Variants in DIP2B observed in about 807,000 individuals in gnomAD.
DIP2B encodes the protein disco-interacting protein 2 homolog B.
In DIP2B, 76 loss-of-function variants were observed where a neutral mutation model predicts 198.0. The observed-to-expected ratio is 0.38, with a 90% CI of 0.32 to 0.46. The LOEUF is 0.46. DIP2B is among the 20% of genes least tolerant of loss of function. DIP2B has a pLI of 0.99. For synonymous variants in DIP2B, 701 were observed against 739.1 expected (o/e 0.95, Z 0.84); for missense variants, 1,559 against 1,978.4 (o/e 0.79, Z 4.02).
intron 4 of DIP2B, among the ~76,000 whole-genome samples, chr12:50,663,724 G>T (rs1379720162): frequency 6.6e-6 from 1 of 151,558 alleles, no homozygotes; most frequent in South Asian, 2.1e-4. Context: ...TAAAAAGTTA[G>T]CTGACTGTGG....
chr12:50,671,039 A>C (rs1212458922), intron 4 of DIP2B, 147 bp from the exon 5 acceptor site: 1 of 749,306 alleles, frequency 1.3e-6, no homozygotes, highest in African/African-American at 1.8e-5. Context: ...TTTCCTTGAG[A>C]TTCTTGAGAA....
Position 50,731,386 on chromosome 12 carries a change from A to G in DIP2B, c.3659A>G (p.Gln1220Arg). Reference protein sequence around the residue: ...WCLCSVYSGHQSVLIPPMELE... With the variant: ...WCLCSVYSGHRSVLIPPMELE... ...CACTGCAGTGTCTATTCAGGCCACC[A>G]GTCTGTCTTAATTCCTCCTATGGAG... is the stretch of plus-strand genomic sequence containing the variant. The change falls in exon 31 of 38, where the codon CAG becomes CGG. Residue 1220 changes from glutamine to arginine, a missense_variant. Transcript: ENST00000301180. 1.9e-6 allele frequency: 3 copies of G among 1,614,010 alleles called. No homozygotes were observed. Among genetic ancestry groups the G allele is most frequent in the Non-Finnish European group, 2.5e-6 (3 of 1,179,906 alleles).
Position 50,643,405 on chromosome 12 carries a change from CTGTGTGTGTG to C in DIP2B, c.301+2591_301+2600del, listed in dbSNP as rs57483938. Among the ~76,000 whole-genome samples the C allele has an allele frequency of 6.7e-3, 878 of 131,168 alleles. 6 individuals are homozygous for C. The highest frequency in any genetic ancestry group is 0.02 in the South Asian group (76 of 3,768). 86.1% of individuals were successfully genotyped at this position (131,168 alleles called of 152,430 possible). ...TATGTTAATCTCACTGGGAGTTTTT[CTGTGTGTGTG>C]TGTGTGTGTGTGTGTGTGTGTGTGT... On this transcript the variant is annotated intron_variant, in intron 3 of 37. Coordinates refer to ENST00000301180, the MANE Select transcript of DIP2B (RefSeq NM_173602.3).
chr12:50,683,724 A>T (rs2139538650), intron 10 of DIP2B, among the ~76,000 whole-genome samples: 3 of 152,308 alleles, frequency 2.0e-5, no homozygotes, highest in Admixed American at 2.0e-4. Flanking sequence ...TGGAGCTTGC[A>T]GTTAGTTGAG....
chr12:50,696,879 A>G (rs1939321652), intron 16 of DIP2B, among the ~76,000 whole-genome samples, 182 bp from the exon 17 acceptor site: 1 of 152,202 alleles, frequency 6.6e-6, no homozygotes, highest in Non-Finnish European at 1.5e-5. Flanking sequence ...GATGAGCATT[A>G]ATTTGTCCTT....
intron 4 of DIP2B, among the ~76,000 whole-genome samples, chr12:50,666,143 A>C (rs969175910): frequency 6.6e-6 from 1 of 152,208 alleles, no homozygotes; most frequent in Non-Finnish European, 1.5e-5. Context: ...AGTGTTCTTT[A>C]AGCCAAAGTA....
At chr12:50,671,055 A>T in intron 4 of DIP2B, 131 bp from the exon 5 acceptor site, 1 of 835,228 alleles carries the variant, frequency 1.2e-6, no homozygotes, top group Non-Finnish European at 1.8e-6. Context: ...GAGAAACTTT[A>T]CATATTAATC....
intron 1 of DIP2B, among the ~76,000 whole-genome samples, chr12:50,541,198 GAC>G (rs1958322219): frequency 6.6e-6 from 1 of 152,092 alleles, no homozygotes; most frequent in Non-Finnish European, 1.5e-5. Context: ...TAGAATCATT[GAC>G]AAGGCCATAT....
intron 33 of DIP2B, among the ~76,000 whole-genome samples, 199 bp from the exon 34 acceptor site, chr12:50,734,864 TGTTGGTAAAC>T (rs1940108091): frequency 6.6e-6 from 1 of 152,062 alleles, no homozygotes; most frequent in Non-Finnish European, 1.5e-5. Flanking sequence ...AGGCCAGAGG[TGTTGGTAAAC>T]ACCGCAATGC....
intron 13 of DIP2B, among the ~76,000 whole-genome samples, chr12:50,691,612 A>C (rs962291262): frequency 1.3e-5 from 2 of 152,184 alleles, no homozygotes; most frequent in Non-Finnish European, 2.9e-5. Context: ...TGCAATATTA[A>C]TTTTTTTAGT....
chr12:50,687,307 TC>T (rs1285547642), intron 12 of DIP2B, among the ~76,000 whole-genome samples: 2 of 152,096 alleles, frequency 1.3e-5, no homozygotes, highest in Non-Finnish European at 2.9e-5. Context: ...TAAAAGAATT[TC>T]CGTAGCTGAG....
chr12:50,721,222 G>C (rs1939830283), intron 25 of DIP2B, 51 bp from the exon 26 acceptor site: 2 of 1,597,378 alleles, frequency 1.3e-6, no homozygotes, highest in Non-Finnish European at 1.7e-6. Context: ...GCTTATTACT[G>C]TTTATTTCCT....
chr12:50,653,717 A>G (rs1258281554), intron 3 of DIP2B, among the ~76,000 whole-genome samples: 3 of 151,400 alleles, frequency 2.0e-5, no homozygotes, highest in Non-Finnish European at 4.4e-5. Flanking sequence ...TATTTTAGTT[A>G]TTTGAATCTT....
intron 4 of DIP2B, among the ~76,000 whole-genome samples, chr12:50,663,555 C>CAAATAAGTAAATAAAT (rs1555191042): frequency 1.4e-5 from 2 of 141,808 alleles, no homozygotes; most frequent in African/African-American, 5.3e-5. Flanking sequence ...GACTCCGTCT[C>CAAATAAGTAAATAAAT]AAATAAATAA....
intron 22 of DIP2B, among the ~76,000 whole-genome samples, chr12:50,711,125 C>G (rs961170396): frequency 6.6e-6 from 1 of 152,176 alleles, no homozygotes; most frequent in African/African-American, 2.4e-5. Flanking sequence ...ATTTACTAAT[C>G]CAAACTCTTG....
At chr12:50,545,089 C>G (rs1958364371) in intron 1 of DIP2B, among the ~76,000 whole-genome samples, 1 of 152,030 alleles carries the variant, frequency 6.6e-6, no homozygotes, top group Non-Finnish European at 1.5e-5. Flanking sequence ...TGGTTTGTTT[C>G]CAGTTTTGGC....
chr12:50,674,869 A>G (rs1330674593), intron 6 of DIP2B, among the ~76,000 whole-genome samples: 1 of 152,222 alleles, frequency 6.6e-6, no homozygotes, highest in Non-Finnish European at 1.5e-5. Context: ...TGGAAAAAGA[A>G]AAGAATAACA....
rs1940365967 is a variant in DIP2B, at chr12:50,748,154, CT to C, written c.*3316del. 6.6e-6 allele frequency: 1 copy of C among 152,654 alleles called. No individual in the cohort carries two copies. The highest frequency in any genetic ancestry group is 2.4e-5 in the African/African-American group (1 of 41,458). 9.5% of individuals were successfully genotyped at this position (152,654 alleles called of 1,614,324 possible). ...AGGTCTCTGCCCCAGGCATGGTGCT[CT>C]ATATCTTGGCCAAATAAATTACTTT... On this transcript the variant is annotated 3_prime_UTR_variant, in exon 38 of 38. Coordinates refer to ENST00000301180, the MANE Select transcript of DIP2B (RefSeq NM_173602.3).
chr12:50,680,589 A>C, intron 8 of DIP2B, 83 bp from the exon 9 acceptor site: 1 of 1,303,318 alleles, frequency 7.7e-7, no homozygotes. Flanking sequence ...CATTAACTAC[A>C]CTGATGATCT....
Sources: gnomAD v4.1 joint callset for allele counts (sites outside exome capture counted in the v4.1 genomes callset) on GRCh38, gnomAD v4.1.1 for gene constraint, MANE v1.5 for transcripts, NCBI Gene and HGNC (gene_info 2026-07-23, HGNC 2026-07-21) for gene names.